Variants in PRKAG2 observed in about 807,000 individuals in gnomAD.
PRKAG2 encodes the protein 5'-AMP-activated protein kinase subunit gamma-2.
A neutral mutation model predicts 69.6 loss-of-function variants in PRKAG2; 26 were observed. The ratio of observed to expected loss-of-function variants is 0.37; its 90% CI spans 0.27 to 0.52. The LOEUF is 0.52. Ranked by LOEUF, PRKAG2 falls within the 20% of genes least tolerant of loss-of-function variation. The pLI is 0.90. For synonymous variants in PRKAG2, 293 were observed against 285.0 expected (o/e 1.03, Z -0.28); for missense variants, 557 against 740.0 (o/e 0.75, Z 2.87).
chr7:151,627,320 G>A (rs1381820603), intron 5 of PRKAG2, among the ~76,000 whole-genome samples: 1 of 152,100 alleles, frequency 6.6e-6, no homozygotes, highest in Non-Finnish European at 1.5e-5. Context: ...AGGCTGACCA[G>A]TTTTGCTAGA....
chr7:151,831,750 T>A (rs542826564), intron 1 of PRKAG2, among the ~76,000 whole-genome samples: 1 of 148,006 alleles, frequency 6.8e-6, no homozygotes, highest in Non-Finnish European at 1.5e-5. Flanking sequence ...CTGGAGGGAG[T>A]TCTGTGTGCC....
chr7:151,633,997 T>C (rs1017381056), intron 4 of PRKAG2, among the ~76,000 whole-genome samples: 5 of 152,216 alleles, frequency 3.3e-5, no homozygotes, highest in African/African-American at 1.2e-4. Context: ...TGGCGCAACC[T>C]CGGCTCACTG....
At position 151,570,083 on chromosome 7, in the gene PRKAG2, C is replaced by A. The variant is rs1005983015; in HGVS notation, c.1106+88G>T. On this transcript the variant is annotated intron_variant, in intron 10 of 15. Transcript: ENST00000287878. ...GGCAGGCCCTGTTTGGAATGAAGAA[C>A]ATGTTTATTTGTGTCTTTCTTTCTA... 6.9e-6 allele frequency: 10 copies of A among 1,458,110 alleles called. No individual in the cohort carries two copies. The East Asian group carries it at 2.1e-4, about 30-fold the overall frequency. 90.3% of individuals were successfully genotyped at this position (1,458,110 alleles called of 1,614,324 possible).
intron 1 of PRKAG2, among the ~76,000 whole-genome samples, chr7:151,855,732 T>TGGGTGGGGGCAGGCAGAG (rs1313841607): frequency 7.7e-6 from 1 of 129,694 alleles, no homozygotes; most frequent in East Asian, 2.6e-4. Flanking sequence ...GAAAAGTGGG[T>TGGGTGGGGGCAGGCAGAG]GGGTGGGGGC....
chr7:151,684,838 C>T lies in PRKAG2; in HGVS notation c.467-9201G>A, dbSNP rs1834472055. ...TCCCAGTGCCCCCAGCCACAGTCAG[C>T]CACAATGCACTCTGGAAGCTGTTCC... On this transcript the variant is annotated intron_variant, in intron 3 of 15. Transcript: ENST00000287878. Among the ~76,000 whole-genome samples, 4 of 152,192 alleles carry T rather than the reference C, an allele frequency of 2.6e-5. No homozygotes were observed. In the South Asian group the frequency reaches 8.3e-4, roughly 32 times the overall value.
intron 1 of PRKAG2, among the ~76,000 whole-genome samples, chr7:151,795,326 C>T (rs1446278754): frequency 3.3e-5 from 5 of 152,256 alleles, no homozygotes; most frequent in Admixed American, 2.6e-4. Context: ...GCCGTCTCCT[C>T]GAGGACCAGC....
intron 4 of PRKAG2, among the ~76,000 whole-genome samples, chr7:151,660,755 T>A (rs6943046): frequency 2.0e-5 from 3 of 152,258 alleles, no homozygotes; most frequent in African/African-American, 7.2e-5. Context: ...TATTTGTGTA[T>A]AAAGGAACAA....
chr7:151,673,244 A>G (rs60355157), intron 4 of PRKAG2, among the ~76,000 whole-genome samples: 268 of 152,226 alleles, frequency 1.8e-3, no homozygotes, highest in African/African-American at 6.1e-3. Flanking sequence ...TCGTCAAACC[A>G]CTGTCTCTTC....
intron 1 of PRKAG2, among the ~76,000 whole-genome samples, chr7:151,821,575 A>G (rs1240825255): frequency 6.6e-6 from 1 of 152,078 alleles, no homozygotes; most frequent in Non-Finnish European, 1.5e-5. Flanking sequence ...CCCCAATTTA[A>G]TTGAAATCAA....
At chr7:151,691,795 C>T (rs1379525738) in intron 3 of PRKAG2, among the ~76,000 whole-genome samples, 3 of 152,186 alleles carry the variant, frequency 2.0e-5, no homozygotes, top group South Asian at 2.1e-4. Flanking sequence ...TACCATACAA[C>T]CTAGCGATGC....
Position 151,703,893 on chromosome 7 carries a change from CACACACACACACACACAA to C in PRKAG2, c.467-28274_467-28257del, listed in dbSNP as rs1248603668. ...ACACACACACACACACACACACACA[CACACACACACACACACAA>C]ATTAGCTAGGCATGGTGGCAGGTGC... On this transcript the variant is annotated intron_variant, in intron 3 of 15. Transcript: ENST00000287878. 8.5e-4 allele frequency among the ~76,000 whole-genome samples: 117 copies of C among 137,758 alleles called. 1 individual carries two copies. The highest frequency in any genetic ancestry group is 3.2e-3 in the African/African-American group (112 of 35,274). 90.4% of individuals were successfully genotyped at this position (137,758 alleles called of 152,430 possible).
At chr7:151,684,697 C>T (rs1029835084) in intron 3 of PRKAG2, among the ~76,000 whole-genome samples, 2 of 152,082 alleles carry the variant, frequency 1.3e-5, no homozygotes, top group Admixed American at 1.3e-4. Context: ...GCAGCTCACC[C>T]CTGGCTGACT....
intron 3 of PRKAG2, among the ~76,000 whole-genome samples, chr7:151,734,042 G>A (rs1586159821): frequency 1.3e-5 from 2 of 152,108 alleles, no homozygotes; most frequent in Middle Eastern, 3.4e-3. Flanking sequence ...CTGAGTAGCT[G>A]GAACTCTACT....
intron 1 of PRKAG2, among the ~76,000 whole-genome samples, chr7:151,794,195 C>T (rs910046550): frequency 6.6e-6 from 1 of 152,176 alleles, no homozygotes; most frequent in African/African-American, 2.4e-5. Flanking sequence ...CCCTGCTCCA[C>T]CGTATTCCCA....
At chr7:151,609,062 C>T (rs1818173836) in intron 5 of PRKAG2, among the ~76,000 whole-genome samples, 1 of 152,066 alleles carries the variant, frequency 6.6e-6, no homozygotes, top group Non-Finnish European at 1.5e-5. Context: ...CTAAATAAAG[C>T]TTTAACATGT....
intron 3 of PRKAG2, among the ~76,000 whole-genome samples, chr7:151,755,674 C>T (rs941091339): frequency 7.9e-5 from 12 of 152,324 alleles, no homozygotes; most frequent in South Asian, 2.1e-4. Flanking sequence ...TCTATGGCTT[C>T]GTAGTTGCAA....
chr7:151,709,980 A>T lies in PRKAG2; in HGVS notation c.467-34343T>A, dbSNP rs576488838. Among the ~76,000 whole-genome samples the T allele has an allele frequency of 3.3e-5, 5 of 152,304 alleles. No individual in the cohort carries two copies. The East Asian group carries it at 5.8e-4, about 18-fold the overall frequency. On this transcript the variant is annotated intron_variant, in intron 3 of 15. Coordinates refer to ENST00000287878, the MANE Select transcript of PRKAG2 (RefSeq NM_016203.4). ...ACTCAATGGCCACTTCGCCTTCCAG[A>T]GGGCTTTCAGGAGGAAAAGCATTTA...
At chr7:151,558,999 G>A (rs1395293396) in intron 15 of PRKAG2, 7 of 985,318 alleles carry the variant, frequency 7.1e-6, no homozygotes, top group Admixed American at 6.1e-5. Context: ...GGCAGACTGT[G>A]TCCCGTGGTC....
intron 4 of PRKAG2, among the ~76,000 whole-genome samples, chr7:151,637,137 C>T (rs776380170): frequency 8.5e-5 from 13 of 152,090 alleles, no homozygotes; most frequent in African/African-American, 2.7e-4. Flanking sequence ...GTTACCACTG[C>T]GGGGAACTAG....
Sources: gnomAD v4.1 joint callset for allele counts (sites outside exome capture counted in the v4.1 genomes callset) on GRCh38, gnomAD v4.1.1 for gene constraint, MANE v1.5 for transcripts, NCBI Gene and HGNC (gene_info 2026-07-23, HGNC 2026-07-21) for gene names.